The following NCF2 variants were observed in gnomAD, a reference collection of about 807,000 sequenced individuals.
NCF2 encodes the protein neutrophil cytosolic factor 2.
Under a neutral mutation model 70.9 loss-of-function variants are expected in NCF2, and 45 were observed. The observed-to-expected ratio is 0.63, with a 90% CI of 0.50 to 0.81. The LOEUF is 0.81. Among genes scored for constraint, NCF2 ranks in the 40% least tolerant of loss-of-function variants. The pLI, the probability that NCF2 is intolerant of heterozygous loss-of-function variation, is 0.00. For missense variants in NCF2, 522 were observed against 631.6 expected (o/e 0.83, Z 1.86); for synonymous variants, 203 against 233.6 (o/e 0.87, Z 1.19).
intron 2 of NCF2, among the ~76,000 whole-genome samples, chr1:183,585,441 TG>T (rs1673300462): frequency 6.6e-6 from 1 of 152,002 alleles, no homozygotes; most frequent in African/African-American, 2.4e-5. Flanking sequence ...GTGGCCAACA[TG>T]GTGAAACCCT....
chr1:183,576,182 G>A (rs1177833697), intron 3 of NCF2, among the ~76,000 whole-genome samples: 1 of 152,156 alleles, frequency 6.6e-6, no homozygotes, highest in Non-Finnish European at 1.5e-5. Context: ...GTAGGGAAAT[G>A]ACTGGAAGGT....
chr1:183,598,617 T>G, the NCF2 span, among the ~76,000 whole-genome samples: 95 of 149,604 alleles, frequency 6.4e-4, no homozygotes, highest in Middle Eastern at 3.5e-3. Flanking sequence ...AGCACAAAGG[T>G]CTTTTTAGTA....
chr1:183,562,815 C>T (rs908100076), intron 13 of NCF2, among the ~76,000 whole-genome samples: 4 of 145,002 alleles, frequency 2.8e-5, no homozygotes, highest in Non-Finnish European at 6.0e-5. Flanking sequence ...CAGAGTGAGA[C>T]TCCATCTCAA....
upstream of NCF2, among the ~76,000 whole-genome samples, chr1:183,593,315 T>G (rs1445911644): frequency 6.6e-6 from 1 of 152,194 alleles, no homozygotes; most frequent in Non-Finnish European, 1.5e-5. Context: ...TTAACATTTC[T>G]TTGCCTCTCC....
chr1:183,576,144 T>C (rs1373556865), intron 3 of NCF2, among the ~76,000 whole-genome samples: 1 of 152,200 alleles, frequency 6.6e-6, no homozygotes, highest in Non-Finnish European at 1.5e-5. Flanking sequence ...GCCAGGGTCA[T>C]ACCACATCAG....
upstream of NCF2, among the ~76,000 whole-genome samples, chr1:183,594,750 G>A (rs944697926): frequency 6.6e-6 from 1 of 151,992 alleles, no homozygotes; most frequent in African/African-American, 2.4e-5. Context: ...ACTGTTGCAT[G>A]TATTTATTCA....
the NCF2 span, among the ~76,000 whole-genome samples, chr1:183,600,985 A>G: frequency 1.3e-5 from 2 of 152,216 alleles, no homozygotes; most frequent in Admixed American, 1.3e-4. Flanking sequence ...CATTTTTATC[A>G]TAATATTTAT....
chr1:183,562,203 T>C (rs1672091894), intron 13 of NCF2, among the ~76,000 whole-genome samples: 1 of 152,038 alleles, frequency 6.6e-6, no homozygotes. Flanking sequence ...AGCCACCAAA[T>C]AGATTGAAGC....
chr1:183,580,352 GA>G (rs1673004267), intron 2 of NCF2, among the ~76,000 whole-genome samples: 1 of 152,172 alleles, frequency 6.6e-6, no homozygotes, highest in Admixed American at 6.5e-5. Context: ...AAGTACGCCA[GA>G]AATCAGGTTC....
At chr1:183,590,480 A>T, upstream of NCF2, 1 of 814,752 alleles carries the variant, frequency 1.2e-6, no homozygotes, top group Non-Finnish European at 2.1e-6. Flanking sequence ...CTCCCTTAAG[A>T]TAACTTCTCA....
rs1672868369 is a variant in NCF2, at chr1:183,577,855, C to G, written c.258-148G>C. ...TTTGACCTGTTCTAGTTTTCAGCAA[C>G]CCTGAGTCCAAGTATTCTATACAAC... On this transcript the variant is annotated intron_variant, in intron 2 of 14. Transcript: ENST00000367535. 5.8e-6 allele frequency: 4 copies of G among 689,526 alleles called. No individual in the cohort carries two copies. In the East Asian group the frequency reaches 1.1e-4, roughly 19 times the overall value. 42.7% of individuals were successfully genotyped at this position (689,526 alleles called of 1,614,324 possible). A position where few individuals can be genotyped will look rare whatever the true frequency, so the allele number is the denominator to read the frequency against.
chr1:183,590,177 C>A lies in NCF2; in HGVS notation c.153G>T (p.Lys51Asn). 6.2e-7 allele frequency: 1 copy of A among 1,614,210 alleles called. No individual in the cohort carries two copies. The change falls in exon 1 of 15, where the codon AAG becomes AAT. Residue 51 changes from lysine (K) to asparagine (N), a missense_variant. Physicochemically the swap from Lys to Asn is moderately conservative, Grantham distance 94. Transcript: ENST00000367535. ...TCACCTTCTCTGCTTCAGTCATGTTCTTCAGGATAGTGTACATGCAGCCAA... is the reference window on the plus strand; with the variant it reads ...TCACCTTCTCTGCTTCAGTCATGTTATTCAGGATAGTGTACATGCAGCCAA... The part of the protein sequence containing the change: ...FNIGCMYTIL[K>N]NMTEAEKAFT...
intron 2 of NCF2, among the ~76,000 whole-genome samples, chr1:183,584,987 A>AATCCCAGGCTCTCTTTCTCCCC (rs1673278557): frequency 6.6e-6 from 1 of 152,260 alleles, no homozygotes; most frequent in Non-Finnish European, 1.5e-5. Flanking sequence ...ATCTTCTCCC[A>AATCCCAGGCTCTCTTTCTCCCC]ATCCCAGGCT....
chr1:183,582,871 C>T (rs1159618655), intron 2 of NCF2, among the ~76,000 whole-genome samples: 1 of 152,146 alleles, frequency 6.6e-6, no homozygotes, highest in Non-Finnish European at 1.5e-5. Flanking sequence ...TGGCTGTTAT[C>T]CCTGAGACTC....
At chr1:183,561,467 G>A (rs367657316) in intron 13 of NCF2, among the ~76,000 whole-genome samples, 47 of 152,246 alleles carry the variant, frequency 3.1e-4, no homozygotes, top group African/African-American at 1.1e-3. Flanking sequence ...GAGGCTAGAA[G>A]AATTCAATGA....
chr1:183,576,932 C>T (rs536464474), intron 3 of NCF2, among the ~76,000 whole-genome samples: 10 of 152,246 alleles, frequency 6.6e-5, no homozygotes, highest in Non-Finnish European at 1.0e-4. Context: ...AAGGGCCAAC[C>T]GGAAAAAGTA....
intron 2 of NCF2, among the ~76,000 whole-genome samples, chr1:183,581,473 A>G (rs181949612): frequency 1.7e-3 from 258 of 151,660 alleles, no homozygotes; most frequent in African/African-American, 5.9e-3. Context: ...TTCTCTAAAA[A>G]AAAAAAGATT....
At chr1:183,574,400 CT>C in intron 4 of NCF2, 86 bp downstream of exon 4, 3 of 1,591,564 alleles carry the variant, frequency 1.9e-6, no homozygotes, top group Non-Finnish European at 2.6e-6. Flanking sequence ...AAAAGCACCA[CT>C]TTTATGGCTT....
chr1:183,593,396 T>C (rs572575683), upstream of NCF2, among the ~76,000 whole-genome samples: 7 of 152,264 alleles, frequency 4.6e-5, no homozygotes, highest in East Asian at 1.4e-3. Context: ...TTCCATGGCT[T>C]TGCACTGCTC....
Sources: gnomAD v4.1 joint callset for allele counts (sites outside exome capture counted in the v4.1 genomes callset) on GRCh38, gnomAD v4.1.1 for gene constraint, MANE v1.5 for transcripts, NCBI Gene and HGNC (gene_info 2026-07-23, HGNC 2026-07-21) for gene names.